Variants in ZNF436 observed in about 807,000 individuals in gnomAD.
ZNF436 encodes the protein DNA-binding protein.
ZNF436 carries 22 observed loss-of-function variants against 41.9 expected under a neutral mutation model. The ratio of observed to expected loss-of-function variants is 0.53; its 90% confidence interval spans 0.38 to 0.75. The LOEUF is 0.75. Among genes scored for constraint, ZNF436 ranks in the 30% least tolerant of loss-of-function variants. ZNF436 has a pLI of 0.00. For synonymous variants in ZNF436, 217 were observed against 197.8 expected (o/e 1.10, Z -0.82); for missense variants, 506 against 587.3 (o/e 0.86, Z 1.43).
chr1:23,367,453 A>G (rs1215188612), intron 2 of ZNF436, among the ~76,000 whole-genome samples: 8 of 152,046 alleles, frequency 5.3e-5, no homozygotes, highest in Non-Finnish European at 7.4e-5. Context: ...CTTTACTCAT[A>G]ATGTTCCTCT....
Position 23,367,995 on chromosome 1 carries a change from G to A in ZNF436, c.11C>T (p.Thr4Ile). The A allele has an allele frequency of 1.2e-6, 2 of 1,614,144 alleles. No homozygotes were observed. Among genetic ancestry groups the A allele is most frequent in the Non-Finnish European group, 8.5e-7 (1 of 1,180,030 alleles). Residue 4 changes from threonine (T) to isoleucine (I), a missense_variant, in exon 2 of 4, where the codon ACC becomes ATC. Thr to Ile is a moderately conservative substitution (Grantham distance 89). Coordinates refer to ENST00000314011, the MANE Select transcript of ZNF436 (RefSeq NM_001077195.2). MAA[T>I]LLMAGSQAPV... Reference sequence around the variant, plus strand: ...TACCTGGGACCCAGCCATGAGCAGGGTGGCTGCCATCTCGAGCACAAGGGT... The same window carrying A: ...TACCTGGGACCCAGCCATGAGCAGGATGGCTGCCATCTCGAGCACAAGGGT...
intron 1 of ZNF436, among the ~76,000 whole-genome samples, chr1:23,368,706 T>G (rs1638423274): frequency 1.3e-5 from 2 of 152,228 alleles, no homozygotes; most frequent in Non-Finnish European, 2.9e-5. Context: ...CCCTAGAAGC[T>G]TCTCTTGAGT....
chr1:23,367,469 T>A (rs146722578), intron 2 of ZNF436, among the ~76,000 whole-genome samples: 1 of 152,210 alleles, frequency 6.6e-6, no homozygotes. Flanking sequence ...CCTCTTTTCC[T>A]GGAATATTCT....
intron 1 of ZNF436, 40 bp from the exon 2 acceptor site, chr1:23,368,105 A>G: frequency 7.2e-7 from 1 of 1,381,802 alleles, no homozygotes; most frequent in East Asian, 2.4e-5. Flanking sequence ...CACGGAAAAC[A>G]GGCCCTGCCC....
intron 2 of ZNF436, among the ~76,000 whole-genome samples, chr1:23,367,395 T>A (rs1638382604): frequency 6.6e-6 from 1 of 152,240 alleles, no homozygotes; most frequent in South Asian, 2.1e-4. Flanking sequence ...CTTTATCCTC[T>A]GGCTGTGACT....
chr1:23,360,106 T>A lies in ZNF436; in HGVS notation c.*1863A>T, dbSNP rs1646984170. 6.6e-6 allele frequency: 1 copy of A among 152,184 alleles called. No individual in the cohort carries two copies. Among genetic ancestry groups the A allele is most frequent in the African/African-American group, 2.4e-5 (1 of 41,446 alleles). The allele number at this position is 152,184 out of a possible 1,614,324, so 9.4% of individuals were successfully genotyped here. A position where few individuals can be genotyped will look rare whatever the true frequency, so the allele number is the denominator to read the frequency against. On this transcript the variant is annotated 3_prime_UTR_variant, in exon 4 of 4. Coordinates refer to ENST00000314011, the MANE Select transcript of ZNF436 (RefSeq NM_001077195.2). ...GATACCCACAGTCTGCTAGATTTTG[T>A]AAATAACAAAAAAACATGCTCCTTG...
chr1:23,362,028 C>T lies in ZNF436; in HGVS notation c.1354G>A (p.Glu452Lys), dbSNP rs1638247237. Reference protein sequence around the residue: ...GEKPYECTECEKSFSRSSALI... With the variant: ...GEKPYECTECKKSFSRSSALI... ...GCTGAGCTCCTGCTGAAACTCTTCT[C>T]ACATTCGGTACATTCATAAGGTTTC... is the stretch of plus-strand genomic sequence containing the variant. The change falls in exon 4 of 4, where the codon GAG becomes AAG. Residue 452 changes from glutamate to lysine, a missense_variant. Physicochemically the swap from Glu to Lys is moderately conservative, Grantham distance 56 (BLOSUM62 1). Coordinates refer to ENST00000314011, the MANE Select transcript of ZNF436 (RefSeq NM_001077195.2). The T allele has an allele frequency of 6.2e-7, 1 of 1,613,914 alleles. No individual in the cohort carries two copies. The highest frequency in any genetic ancestry group is 1.3e-5 in the African/African-American group (1 of 74,930).
chr1:23,359,721 G>C lies in ZNF436; in HGVS notation c.*2248C>G, dbSNP rs1212526786. 6.5e-6 allele frequency: 1 copy of C among 152,734 alleles called. No individual in the cohort carries two copies. Among genetic ancestry groups the C allele is most frequent in the Non-Finnish European group, 1.5e-5 (1 of 68,086 alleles). 9.5% of individuals were successfully genotyped at this position (152,734 alleles called of 1,614,324 possible). A position where few individuals can be genotyped will look rare whatever the true frequency, so the allele number is the denominator to read the frequency against. ...CACAGCAAACGGGCAACAATTGGCAGAAAGAGGAGACAGCTGGTGTGGCCC... is the reference window on the plus strand; with the variant it reads ...CACAGCAAACGGGCAACAATTGGCACAAAGAGGAGACAGCTGGTGTGGCCC... On this transcript the variant is annotated 3_prime_UTR_variant, in exon 4 of 4. Transcript: ENST00000314011.
At chr1:23,367,948 G>C in intron 2 of ZNF436, 25 bp downstream of exon 2, 1 of 1,613,792 alleles carries the variant, frequency 6.2e-7, no homozygotes, top group Non-Finnish European at 8.5e-7. Flanking sequence ...CAGAGACAAG[G>C]TCTGAGAAGC....
intron 2 of ZNF436, 102 bp from the exon 3 acceptor site, chr1:23,367,270 C>G (rs1346295562): frequency 1.5e-6 from 2 of 1,290,886 alleles, no homozygotes; most frequent in Non-Finnish European, 2.1e-6. Context: ...TAAATGTGAC[C>G]TATAGAGTCC....
At chr1:23,364,302 AT>A (rs1278232166) in intron 3 of ZNF436, among the ~76,000 whole-genome samples, 11 of 152,054 alleles carry the variant, frequency 7.2e-5, no homozygotes, top group Non-Finnish European at 2.9e-5. Flanking sequence ...CAATGGCGCA[AT>A]CTCCGCTCAC....
Position 23,362,486 on chromosome 1 carries a change from A to G in ZNF436, c.896T>C (p.Val299Ala). The change falls in exon 4 of 4, where the codon GTC becomes GCC. Residue 299 changes from valine to alanine, a missense_variant. This residue lies in a region of ZNF436 where 278 missense variants were observed against 372.1 expected (regional missense o/e 0.75). Transcript: ENST00000314011. ...CTTGTAGGGCCTCTCCCCTGTGTGGACTCGATAGTGTTTGATGAGATCAGA... is the reference window on the plus strand; with the variant it reads ...CTTGTAGGGCCTCTCCCCTGTGTGGGCTCGATAGTGTTTGATGAGATCAGA... ...ERSDLIKHYR[V>A]HTGERPYKCD... is the part of the protein sequence containing the mutation. The G allele has an allele frequency of 6.2e-7, 1 of 1,613,116 alleles. No individual in the cohort carries two copies.
At chr1:23,369,001 CG>C (rs1442311341) in intron 1 of ZNF436, 7 of 161,502 alleles carry the variant, frequency 4.3e-5, no homozygotes, top group African/African-American at 1.7e-4. Context: ...TAGAGCCTGG[CG>C]GTGTCTTGGC....
chr1:23,363,761 C>G (rs1638298591), intron 3 of ZNF436, among the ~76,000 whole-genome samples: 1 of 152,142 alleles, frequency 6.6e-6, no homozygotes, highest in Non-Finnish European at 1.5e-5. Context: ...CTATACAGGC[C>G]AGGTGCCGTG....
rs979202784 is a variant in ZNF436 at position 23,368,065 on chromosome 1, G to A, written c.-60C>T. On this transcript the variant is annotated splice_region_variant and 5_prime_UTR_variant, in exon 2 of 4. Coordinates refer to ENST00000314011, the MANE Select transcript of ZNF436 (RefSeq NM_001077195.2). The stretch of plus-strand genomic sequence containing the variant: ...GCAGGAAAAGCAGCTAGCAGACAGC[G>A]CTGAAGGAGGCGAAAAGCAGGGCGT... The A allele has an allele frequency of 1.3e-6, 2 of 1,594,124 alleles. No homozygotes were observed. The highest frequency in any genetic ancestry group is 1.3e-5 in the African/African-American group (1 of 74,476).
At chr1:23,364,856 G>A (rs931220493) in intron 3 of ZNF436, among the ~76,000 whole-genome samples, 4 of 152,146 alleles carry the variant, frequency 2.6e-5, no homozygotes, top group Non-Finnish European at 5.9e-5. Context: ...TGGGAGAAAA[G>A]GGTTCATGGA....
At position 23,362,026 on chromosome 1, in the gene ZNF436, C is replaced by T. The variant is rs1638247156; in HGVS notation, c.1356G>A (p.Glu452=). Residue 452 remains glutamate (E), a synonymous_variant, in exon 4 of 4, where the codon GAG becomes GAA. Transcript: ENST00000314011. ...GEKPYECTEC[E]KSFSRSSALI... ...GAGCTGAGCTCCTGCTGAAACTCTT[C>T]TCACATTCGGTACATTCATAAGGTT... 1 of 1,613,944 alleles carries T rather than the reference C, an allele frequency of 6.2e-7. No individual in the cohort carries two copies. The highest frequency in any genetic ancestry group is 1.3e-5 in the African/African-American group (1 of 74,944).
intron 1 of ZNF436, chr1:23,368,310 T>A (rs1353253746): frequency 2.6e-6 from 1 of 382,664 alleles, no homozygotes; most frequent in Non-Finnish European, 4.8e-6. Context: ...AGACCGCTGC[T>A]GTCTCAGGGA....
intron 1 of ZNF436, chr1:23,368,319 G>T: frequency 2.7e-6 from 1 of 370,088 alleles, no homozygotes; most frequent in Non-Finnish European, 5.0e-6. Context: ...CTGTCTCAGG[G>T]AGGAGGTGCT....
Sources: gnomAD v4.1 joint callset for allele counts (sites outside exome capture counted in the v4.1 genomes callset) on GRCh38, gnomAD v4.1.1 for gene constraint, gnomAD v4.1.1 regional missense constraint, MANE v1.5 for transcripts, NCBI Gene and HGNC (gene_info 2026-07-23, HGNC 2026-07-21) for gene names.